The following SIN3A variants were observed in gnomAD, a reference collection of about 807,000 sequenced individuals.
The protein encoded by SIN3A is SIN3 transcription regulator family member A.
A neutral mutation model predicts 146.1 loss-of-function variants in SIN3A; 14 were observed. The observed-to-expected ratio is 0.10, with a 90% CI of 0.06 to 0.15. The LOEUF is 0.15. Among genes scored for constraint, SIN3A ranks in the 10% least tolerant of loss-of-function variants. SIN3A has a pLI of 1.00. For synonymous variants in SIN3A, 572 were observed against 572.0 expected (o/e 1.00, Z 0.00); for missense variants, 1,028 against 1,576.0 (o/e 0.65, Z 5.89).
intron 10 of SIN3A, 24 bp from the exon 11 acceptor site, chr15:75,400,964 ACAAG>A (rs777163342): frequency 3.3e-5 from 52 of 1,559,606 alleles, no homozygotes; most frequent in Non-Finnish European, 4.6e-5. Flanking sequence ...CCAAAAAGTG[ACAAG>A]CAATTAGGGG....
Position 75,392,408 on chromosome 15 carries a change from A to G in SIN3A, c.2685T>C (p.Phe895=). 1 of 1,614,266 alleles carries G rather than the reference A, an allele frequency of 6.2e-7. No homozygotes were observed. The highest frequency in any genetic ancestry group is 8.5e-7 in the Non-Finnish European group (1 of 1,180,044). Residue 895 remains phenylalanine (F), a synonymous_variant, in exon 15 of 21, where the codon TTT becomes TTC. Transcript: ENST00000394947. ...LFYVNNNWYI[F]MRLHQILCLR... ...GGCAGAGAATCTGGTGCAGTCGCAT[A>G]AAAATATACCAGTTGTTGTTGACAT...
intron 2 of SIN3A, chr15:75,429,974 G>A: frequency 2.0e-6 from 1 of 489,350 alleles, no homozygotes; most frequent in Non-Finnish European, 3.6e-6. Context: ...GGGAAAAGAA[G>A]GGAGCAGAGT....
At chr15:75,441,879 C>CA (rs1491202848) in intron 1 of SIN3A, among the ~76,000 whole-genome samples, 5 of 151,996 alleles carry the variant, frequency 3.3e-5, no homozygotes, top group African/African-American at 1.2e-4. Context: ...CCAGCACTCT[C>CA]AGAGGCCGAG....
At chr15:75,393,830 C>T (rs892725591) in intron 14 of SIN3A, among the ~76,000 whole-genome samples, 1 of 151,976 alleles carries the variant, frequency 6.6e-6, no homozygotes, top group South Asian at 2.1e-4. Flanking sequence ...GATTTTGAGA[C>T]GGAATCTTGC....
At chr15:75,389,588 G>T in intron 16 of SIN3A, 64 bp downstream of exon 16, 1 of 1,531,186 alleles carries the variant, frequency 6.5e-7, no homozygotes. Flanking sequence ...CCTTTTCCTT[G>T]CGTGGCCCAT....
At chr15:75,438,876 ATT>A (rs1292929731) in intron 1 of SIN3A, among the ~76,000 whole-genome samples, 1 of 152,220 alleles carries the variant, frequency 6.6e-6, no homozygotes, top group African/African-American at 2.4e-5. Context: ...ACCCAGTGCA[ATT>A]TTGAGTAGTC....
At chr15:75,427,093 C>A (rs1457779236) in intron 2 of SIN3A, among the ~76,000 whole-genome samples, 3 of 151,930 alleles carry the variant, frequency 2.0e-5, no homozygotes, top group Non-Finnish European at 4.4e-5. Context: ...CAAAGTGTGG[C>A]AGGGTGCAGT....
chr15:75,450,909 A>G (rs2074392831), intron 1 of SIN3A, among the ~76,000 whole-genome samples: 1 of 152,150 alleles, frequency 6.6e-6, no homozygotes, highest in South Asian at 2.1e-4. Context: ...GGGGAGTGGC[A>G]TCACGGATCA....
At chr15:75,399,104 T>C (rs1020303762) in intron 12 of SIN3A, among the ~76,000 whole-genome samples, 16 of 141,332 alleles carry the variant, frequency 1.1e-4, no homozygotes, top group Non-Finnish European at 2.0e-4. Context: ...CGGTGGCGGG[T>C]AGGGGTGGGG....
intron 1 of SIN3A, among the ~76,000 whole-genome samples, chr15:75,448,634 G>A (rs1445751226): frequency 1.3e-5 from 2 of 152,170 alleles, no homozygotes; most frequent in Non-Finnish European, 2.9e-5. Context: ...AAGGCCTACA[G>A]AAAGTAAAGC....
In SIN3A at chr15:75,394,690, A is replaced by C; in HGVS notation, c.2267T>G (p.Ile756Ser). The C allele has an allele frequency of 6.2e-7, 1 of 1,611,690 alleles. No individual in the cohort carries two copies. Residue 756 changes from isoleucine (I) to serine (S), a missense_variant, in exon 14 of 21, where the codon ATC becomes AGC. Physicochemically the swap from Ile to Ser is moderately radical, Grantham distance 142 (BLOSUM62 -2). Coordinates refer to ENST00000394947, the MANE Select transcript of SIN3A (RefSeq NM_001145358.2). ...AAACCCCCCGCTCACCTCATCATAG[A>C]TACTCTCAATCTCATTGAGTAAGCT... Reference protein sequence around the residue: ...SKSLLNEIESIYDERQEQATE... With the variant: ...SKSLLNEIESSYDERQEQATE...
At chr15:75,392,134 G>T in intron 15 of SIN3A, 108 bp downstream of exon 15, 1 of 983,986 alleles carries the variant, frequency 1.0e-6, no homozygotes, top group South Asian at 1.6e-5. Context: ...TAACTACACA[G>T]ACTCTAATGC....
intron 7 of SIN3A, 40 bp downstream of exon 7, chr15:75,410,091 GATA>G (rs759346306): frequency 1.9e-6 from 3 of 1,604,442 alleles, no homozygotes; most frequent in East Asian, 2.2e-5. Flanking sequence ...ACTCATCTAA[GATA>G]ATAATAGTAA....
At chr15:75,418,155 T>C (rs910327301) in intron 3 of SIN3A, among the ~76,000 whole-genome samples, 6 of 148,820 alleles carry the variant, frequency 4.0e-5, no homozygotes, top group Non-Finnish European at 7.4e-5. Context: ...CCTCAGCCTC[T>C]TGAGTAACTG....
Position 75,407,109 on chromosome 15 carries a change from A to G in SIN3A, c.1353T>C (p.Ser451=). The change falls in exon 9 of 21, where the codon TCT becomes TCC. Residue 451 remains serine (S), a synonymous_variant. Coordinates refer to ENST00000394947, the MANE Select transcript of SIN3A (RefSeq NM_001145358.2). The stretch of plus-strand genomic sequence containing the variant: ...CACCATGTTTGCTGGCATCTGCCAT[A>G]GAAGAATCCTTCAGATTGAGCAGTT... ...KPKLLNLKDS[S]MADASKHGGG... 2 of 1,613,022 alleles carry G rather than the reference A, an allele frequency of 1.2e-6. No homozygotes were observed. Among genetic ancestry groups the G allele is most frequent in the Middle Eastern group, 3.3e-4 (2 of 6,054 alleles).
chr15:75,440,344 C>T (rs1033093671), intron 1 of SIN3A, among the ~76,000 whole-genome samples: 1 of 151,414 alleles, frequency 6.6e-6, no homozygotes. Flanking sequence ...AATTCCTGTG[C>T]CTCAGCCTCC....
intron 9 of SIN3A, 82 bp from the exon 10 acceptor site, chr15:75,402,052 G>A: frequency 1.2e-6 from 1 of 845,408 alleles, no homozygotes; most frequent in Non-Finnish European, 2.0e-6. Flanking sequence ...TGTCGCCCAG[G>A]AGGAGGCGCA....
intron 3 of SIN3A, chr15:75,421,204 T>A (rs551665084): frequency 1.2e-4 from 19 of 152,186 alleles, no homozygotes; most frequent in East Asian, 1.9e-4. Context: ...AACCAAGTTT[T>A]AAAAAAAATA....
At chr15:75,398,121 C>T (rs2073338157) in intron 12 of SIN3A, among the ~76,000 whole-genome samples, 1 of 152,152 alleles carries the variant, frequency 6.6e-6, no homozygotes, top group Non-Finnish European at 1.5e-5. Context: ...AACAAACAAA[C>T]AAAAACCAGC....
Sources: allele counts gnomAD v4.1 joint callset (sites outside exome capture counted in the v4.1 genomes callset), GRCh38; gene constraint gnomAD v4.1.1; transcripts MANE v1.5; gene names NCBI Gene and HGNC (gene_info 2026-07-23, HGNC 2026-07-21).